Variants in MCTP1 observed in about 807,000 individuals in gnomAD.
MCTP1 encodes the protein multiple C2 and transmembrane domain containing 1, also known as multiple C2 and transmembrane domain-containing protein 1.
In MCTP1, 69 loss-of-function variants were observed where a neutral mutation model predicts 120.6. The observed-to-expected ratio is 0.57, with a 90% CI of 0.47 to 0.70. The LOEUF is 0.70. Among genes scored for constraint, MCTP1 ranks in the 30% least tolerant of loss-of-function variants. The pLI is 0.00. For synonymous variants in MCTP1, 529 were observed against 493.1 expected, an observed-to-expected ratio of 1.07 and a Z score of -0.96; for missense variants, 1,203 against 1,248.8, an observed-to-expected ratio of 0.96 and a Z score of 0.55.
intron 5 of MCTP1, among the ~76,000 whole-genome samples, chr5:94,934,501 TG>T (rs1470895930): frequency 6.6e-5 from 10 of 151,814 alleles, no homozygotes; most frequent in Middle Eastern, 3.2e-3. Context: ...CAGAAGTAAT[TG>T]TTTTTAAAAG....
At chr5:95,280,349 AATTT>A (rs1306802957) in intron 1 of MCTP1, among the ~76,000 whole-genome samples, 1 of 152,258 alleles carries the variant, frequency 6.6e-6, no homozygotes, top group East Asian at 1.9e-4. Flanking sequence ...ATTTTAACAA[AATTT>A]ATTTAAAGAG....
intron 1 of MCTP1, among the ~76,000 whole-genome samples, chr5:95,115,146 C>A: frequency 6.6e-6 from 1 of 151,920 alleles, no homozygotes; most frequent in East Asian, 1.9e-4. Flanking sequence ...AAAAGTCCTC[C>A]CAAGAAGCAT....
At chr5:94,987,117 G>T (rs561924454) in intron 2 of MCTP1, among the ~76,000 whole-genome samples, 1 of 151,942 alleles carries the variant, frequency 6.6e-6, no homozygotes, top group Non-Finnish European at 1.5e-5. Context: ...TCAACCCCCA[G>T]TTGGTTGAAT....
At chr5:95,263,281 G>A (rs1758622220) in intron 1 of MCTP1, among the ~76,000 whole-genome samples, 1 of 152,148 alleles carries the variant, frequency 6.6e-6, no homozygotes, top group African/African-American at 2.4e-5. Flanking sequence ...GAGGAGAACA[G>A]GGCAGTTTCC....
At chr5:94,803,675 T>C (rs947592576) in intron 17 of MCTP1, among the ~76,000 whole-genome samples, 20 of 152,202 alleles carry the variant, frequency 1.3e-4, no homozygotes, top group African/African-American at 4.8e-4. Context: ...TCACTTTTTG[T>C]ATACTACCTT....
intron 12 of MCTP1, among the ~76,000 whole-genome samples, chr5:94,887,128 G>A (rs955431979): frequency 5.9e-5 from 9 of 152,072 alleles, no homozygotes; most frequent in African/African-American, 1.9e-4. Context: ...GTGAAATGGG[G>A]AATCATTAGA....
chr5:94,765,815 A>G (rs1772536462), intron 19 of MCTP1, among the ~76,000 whole-genome samples: 1 of 151,836 alleles, frequency 6.6e-6, no homozygotes, highest in African/African-American at 2.4e-5. Context: ...GCCGTTAGCA[A>G]GACTAGCCAA....
At chr5:94,818,841 A>G (rs1161889318) in intron 17 of MCTP1, among the ~76,000 whole-genome samples, 1 of 152,212 alleles carries the variant, frequency 6.6e-6, no homozygotes, top group African/African-American at 2.4e-5. Flanking sequence ...TTAATTTGAA[A>G]GAGAACACCC....
At chr5:95,132,588 G>A (rs1759128739) in intron 1 of MCTP1, among the ~76,000 whole-genome samples, 1 of 151,802 alleles carries the variant, frequency 6.6e-6, no homozygotes, top group African/African-American at 2.4e-5. Flanking sequence ...ACAGATCCCT[G>A]ACTCGTCGGC....
At chr5:95,235,422 C>T (rs1292036682) in intron 1 of MCTP1, among the ~76,000 whole-genome samples, 1 of 151,892 alleles carries the variant, frequency 6.6e-6, no homozygotes, top group African/African-American at 2.4e-5. Flanking sequence ...GCATTCTTAT[C>T]ACTTCTATTC....
intron 2 of MCTP1, among the ~76,000 whole-genome samples, chr5:94,962,309 A>G (rs540752677): frequency 1.3e-5 from 2 of 152,202 alleles, no homozygotes; most frequent in South Asian, 4.1e-4. Flanking sequence ...TGCCCACAGG[A>G]AAAGATGTCA....
chr5:94,707,372 C>G lies in MCTP1; in HGVS notation c.*124G>C, dbSNP rs1754902723. On this transcript the variant is annotated 3_prime_UTR_variant, in exon 23 of 23. Transcript: ENST00000515393. The stretch of plus-strand genomic sequence containing the variant: ...TGCCTTTGTACACTATTTACAGATT[C>G]TCTCGATCATGATAAAAAGGCAAAA... The G allele has an allele frequency of 8.6e-6, 6 of 696,052 alleles. No individual in the cohort carries two copies. Among genetic ancestry groups the G allele is most frequent in the Non-Finnish European group, 1.5e-5 (6 of 403,218 alleles). 43.1% of individuals were successfully genotyped at this position (696,052 alleles called of 1,614,324 possible).
chr5:94,986,937 A>G (rs1049416099), intron 2 of MCTP1, among the ~76,000 whole-genome samples: 3 of 152,160 alleles, frequency 2.0e-5, no homozygotes, highest in Admixed American at 2.0e-4. Context: ...CTAATATAAA[A>G]TGGTGTAGTA....
Position 94,870,448 on chromosome 5 carries a change from T to C in MCTP1, c.2285A>G (p.Tyr762Cys). The C allele has an allele frequency of 6.2e-7, 1 of 1,612,340 alleles. No homozygotes were observed. Among genetic ancestry groups the C allele is most frequent in the Non-Finnish European group, 8.5e-7 (1 of 1,178,604 alleles). ...AGAGAGTCTGTTTTCCTCTTCAATG[T>C]ACTTCTGTTCTTTGGGTATTAATGT... ...LRTLIPKEQKYIEEENRLSKQ... is the reference protein window; with the variant it reads ...LRTLIPKEQKCIEEENRLSKQ... Residue 762 changes from tyrosine to cysteine, a missense_variant, in exon 16 of 23, where the codon TAC becomes TGC. Around this residue, in one of 2 missense-constraint regions of MCTP1, gnomAD observed 740 missense variants for 871.1 expected, o/e 0.85. Transcript: ENST00000515393.
At chr5:94,747,329 A>C (rs1341649178) in intron 19 of MCTP1, among the ~76,000 whole-genome samples, 2 of 152,220 alleles carry the variant, frequency 1.3e-5, no homozygotes, top group African/African-American at 4.8e-5. Context: ...ACCATCATTT[A>C]ATCCTCATAA....
At chr5:95,219,239 G>T (rs1006608315) in intron 1 of MCTP1, among the ~76,000 whole-genome samples, 1 of 151,872 alleles carries the variant, frequency 6.6e-6, no homozygotes, top group African/African-American at 2.4e-5. Flanking sequence ...AAAATTAGCC[G>T]GGCATGGTGG....
chr5:95,106,364 C>T (rs1757084283), intron 1 of MCTP1, among the ~76,000 whole-genome samples: 1 of 152,140 alleles, frequency 6.6e-6, no homozygotes, highest in African/African-American at 2.4e-5. Flanking sequence ...TGCTGGTGGT[C>T]GTCTTTGCTG....
chr5:95,267,888 A>G (rs1759034237), intron 1 of MCTP1, among the ~76,000 whole-genome samples: 1 of 152,240 alleles, frequency 6.6e-6, no homozygotes, highest in Non-Finnish European at 1.5e-5. Context: ...CTGCCCAGGC[A>G]ATCTTCCTCT....
At chr5:95,138,236 C>G (rs1381266876) in intron 1 of MCTP1, among the ~76,000 whole-genome samples, 1 of 150,012 alleles carries the variant, frequency 6.7e-6, no homozygotes, top group African/African-American at 2.4e-5. Flanking sequence ...AGATGCAACC[C>G]CCCCCCGACA....
Sources: gnomAD v4.1 joint callset for allele counts (sites outside exome capture counted in the v4.1 genomes callset) on GRCh38, gnomAD v4.1.1 for gene constraint, gnomAD v4.1.1 regional missense constraint, MANE v1.5 for transcripts, NCBI Gene and HGNC (gene_info 2026-07-23, HGNC 2026-07-21) for gene names.